The following QSER1 variants were observed in gnomAD, a reference collection of about 807,000 sequenced individuals.
QSER1 encodes the protein glutamine and serine rich 1, also known as glutamine and serine-rich protein 1.
In QSER1, 49 loss-of-function variants were observed where a neutral mutation model predicts 158.5. The observed-to-expected ratio is 0.31, with a 90% CI of 0.25 to 0.39. The LOEUF (loss-of-function observed/expected upper bound fraction) is 0.39, where lower values mean the gene tolerates loss of function less well. Ranked by LOEUF, QSER1 falls within the 10% of genes least tolerant of loss-of-function variation. QSER1 has a pLI of 1.00. For synonymous variants in QSER1, 650 were observed against 715.5 expected, an observed-to-expected ratio of 0.91 and a Z score of 1.46; for missense variants, 1,754 against 2,010.3, an observed-to-expected ratio of 0.87 and a Z score of 2.44.
chr11:32,904,420 G>C lies in QSER1; in HGVS notation c.209+11086G>C, dbSNP rs139553979. Among the ~76,000 whole-genome samples the C allele has an allele frequency of 5.0e-3, 760 of 151,902 alleles. 5 individuals are homozygous for C. The highest frequency in any genetic ancestry group is 0.018 in the African/African-American group (725 of 41,418). On this transcript the variant is annotated intron_variant, in intron 1 of 12. Coordinates refer to ENST00000650167, the MANE Select transcript of QSER1 (RefSeq NM_001076786.3). ...CTGGCCAGGCTGGCCTCTAACTCCT[G>C]ACCTTGTGATCCACCCACCTTGGCC...
At chr11:32,894,719 A>G (rs868292282) in intron 1 of QSER1, among the ~76,000 whole-genome samples, 1 of 152,246 alleles carries the variant, frequency 6.6e-6, no homozygotes, top group Non-Finnish European at 1.5e-5. Flanking sequence ...TTTGTTTTCA[A>G]GACTTGGGAG....
rs1852059351 is a variant in QSER1, at chr11:32,932,238, C to G, written c.980C>G (p.Thr327Ser). ...VIKHHQRPSG[T>S]QSIQAQLTGS... ...AAACACCATCAGCGGCCTTCAGGTACCCAGTCAATTCAGGCACAACTGACT... is the reference window on the plus strand; with the variant it reads ...AAACACCATCAGCGGCCTTCAGGTAGCCAGTCAATTCAGGCACAACTGACT... The change falls in exon 4 of 13, where the codon ACC becomes AGC. Residue 327 changes from threonine to serine, a missense_variant. Thr to Ser is a moderately conservative substitution (Grantham distance 58). Transcript: ENST00000650167. 1 of 1,614,096 alleles carries G rather than the reference C, an allele frequency of 6.2e-7. No homozygotes were observed. The highest frequency in any genetic ancestry group is 1.1e-5 in the South Asian group (1 of 91,080).
chr11:32,976,658 A>T lies in QSER1; in HGVS notation c.*184A>T. 1 of 578,208 alleles carries T rather than the reference A, an allele frequency of 1.7e-6. No homozygotes were observed. The highest frequency in any genetic ancestry group is 2.3e-5 in the South Asian group (1 of 43,686). The allele number at this position is 578,208 out of a possible 1,614,324, so 35.8% of individuals were successfully genotyped here. A position where few individuals can be genotyped will look rare whatever the true frequency, so the allele number is the denominator to read the frequency against. On this transcript the variant is annotated 3_prime_UTR_variant, in exon 13 of 13. Transcript: ENST00000650167. ...TTAGGAACGAAGTTAGTCCTCTGGA[A>T]ATGGACCTAAATCCCACCACATTTT...
At chr11:32,896,566 T>C (rs1202324263) in intron 1 of QSER1, among the ~76,000 whole-genome samples, 1 of 152,062 alleles carries the variant, frequency 6.6e-6, no homozygotes, top group Non-Finnish European at 1.5e-5. Flanking sequence ...TTTTTGTATT[T>C]TTAGTAGAGA....
At chr11:32,896,090 G>A (rs1239058200) in intron 1 of QSER1, among the ~76,000 whole-genome samples, 1 of 152,184 alleles carries the variant, frequency 6.6e-6, no homozygotes, top group East Asian at 1.9e-4. Flanking sequence ...GAATGAACAT[G>A]TCCTTTGCTG....
chr11:32,933,216 T>C lies in QSER1; in HGVS notation c.1958T>C (p.Phe653Ser), dbSNP rs778362230. 1.9e-6 allele frequency: 3 copies of C among 1,614,034 alleles called. No homozygotes were observed. Among genetic ancestry groups the C allele is most frequent in the South Asian group, 2.2e-5 (2 of 91,050 alleles). The change falls in exon 4 of 13, where the codon TTT becomes TCT. Residue 653 changes from phenylalanine (F) to serine (S), a missense_variant. Phe to Ser is a radical substitution (Grantham distance 155). Transcript: ENST00000650167. ...KFLPAVQSSS[F>S]ASSTHCQTLQ... ...TTGCCTGCTGTCCAGTCATCATCTTTTGCATCCTCTACTCATTGTCAGACA... is the reference window on the plus strand; with the variant it reads ...TTGCCTGCTGTCCAGTCATCATCTTCTGCATCCTCTACTCATTGTCAGACA...
At chr11:32,923,052 G>A (rs1261702519) in intron 1 of QSER1, among the ~76,000 whole-genome samples, 1 of 152,170 alleles carries the variant, frequency 6.6e-6, no homozygotes, top group African/African-American at 2.4e-5. Context: ...CTCAACTGGT[G>A]AGAAGGTTTT....
chr11:32,899,104 A>G (rs1851593466), intron 1 of QSER1, among the ~76,000 whole-genome samples: 1 of 152,182 alleles, frequency 6.6e-6, no homozygotes. Flanking sequence ...ATACCTATGT[A>G]TTGTTTATGT....
At chr11:32,954,369 A>T (rs1424007774) in intron 5 of QSER1, among the ~76,000 whole-genome samples, 190 bp downstream of exon 5, 1 of 152,252 alleles carries the variant, frequency 6.6e-6, no homozygotes, top group African/African-American at 2.4e-5. Context: ...ACCTTAACTT[A>T]GTTGTACGTA....
chr11:32,956,253 A>G, intron 7 of QSER1, 132 bp downstream of exon 7: 2 of 726,888 alleles, frequency 2.8e-6, no homozygotes, highest in Non-Finnish European at 4.5e-6. Flanking sequence ...TCAGTGCCTG[A>G]TGAAATAAGT....
intron 1 of QSER1, among the ~76,000 whole-genome samples, chr11:32,907,654 T>C (rs917345057): frequency 2.6e-5 from 4 of 152,256 alleles, no homozygotes; most frequent in African/African-American, 9.6e-5. Context: ...TTCATTTTTA[T>C]TCATTCCTTT....
intron 1 of QSER1, among the ~76,000 whole-genome samples, chr11:32,914,739 A>G (rs150508785): frequency 9.2e-5 from 14 of 152,328 alleles, no homozygotes; most frequent in East Asian, 7.7e-4. Flanking sequence ...TTTATCTTAC[A>G]GTCATATACC....
chr11:32,963,455 G>A lies in QSER1; in HGVS notation c.4970-2845G>A, dbSNP rs370899848. On this transcript the variant is annotated intron_variant, in intron 8 of 12. Transcript: ENST00000650167. The stretch of plus-strand genomic sequence containing the variant: ...ACTGCACCGCCTCCCAGGTTCAAGC[G>A]ATTCTCCTGCCTCAGCCTCCCGAGT... Among the ~76,000 whole-genome samples, 12 of 152,228 alleles carry A rather than the reference G, an allele frequency of 7.9e-5. No individual in the cohort carries two copies. In the South Asian group the frequency reaches 1.7e-3, roughly 21 times the overall value.
intron 8 of QSER1, among the ~76,000 whole-genome samples, chr11:32,962,694 C>A (rs928989284): frequency 8.5e-5 from 13 of 152,148 alleles, no homozygotes; most frequent in African/African-American, 3.1e-4. Flanking sequence ...CTCATCAATT[C>A]TATGAATGAT....
intron 9 of QSER1, among the ~76,000 whole-genome samples, chr11:32,968,524 G>A (rs1202142475): frequency 6.6e-6 from 1 of 152,004 alleles, no homozygotes; most frequent in African/African-American, 2.4e-5. Flanking sequence ...TAACTATTTT[G>A]ATTCATATTT....
chr11:32,946,257 C>G (rs1852330201), intron 4 of QSER1, among the ~76,000 whole-genome samples: 1 of 152,210 alleles, frequency 6.6e-6, no homozygotes. Context: ...ATTCTCTGTC[C>G]AGCTTTGTTC....
Position 32,972,182 on chromosome 11 carries a change from C to T in QSER1, c.5206-1215C>T, listed in dbSNP as rs116461950. 2.9e-3 allele frequency among the ~76,000 whole-genome samples: 437 copies of T among 151,880 alleles called. 3 individuals carry two copies. The highest frequency in any genetic ancestry group is 1.0e-2 in the African/African-American group (414 of 41,412). ...GTTGTAACTGTTTATAAAACACTTG[C>T]GCTTATCGAATTTGGACTGCATTCT... On this transcript the variant is annotated intron_variant, in intron 10 of 12. Transcript: ENST00000650167.
rs1454731620 is a variant in QSER1, at chr11:32,892,928, C to A, written c.-198C>A. 6.8e-6 allele frequency among the ~76,000 whole-genome samples: 1 copy of A among 147,710 alleles called. No individual in the cohort carries two copies. Among genetic ancestry groups the A allele is most frequent in the African/African-American group, 2.5e-5 (1 of 40,630 alleles). On this transcript the variant is annotated 5_prime_UTR_variant, in exon 1 of 13. Transcript: ENST00000650167. ...CGCCCAGCTGGGGCCTCGCCGCCCG[C>A]CGCGGCCCGGGTCTTTGCGGCCCAG... is the stretch of plus-strand genomic sequence containing the variant.
At position 32,893,790 on chromosome 11, in the gene QSER1, G is replaced by C. The variant is rs1044723661; in HGVS notation, c.209+456G>C. On this transcript the variant is annotated intron_variant, in intron 1 of 12. Transcript: ENST00000650167. This position sits in a 1 kb window ranked among gnomAD's most constrained non-coding sequence, Gnocchi z 4.7. ...GTGTGAGGGTTGCGGAGGCGGGAGA[G>C]GAAGAGTCGCGGAACCGCGTCCCGG... is the stretch of plus-strand genomic sequence containing the variant. Among the ~76,000 whole-genome samples the C allele has an allele frequency of 6.6e-6, 1 of 152,186 alleles. No homozygotes were observed. Among genetic ancestry groups the C allele is most frequent in the African/African-American group, 2.4e-5 (1 of 41,444 alleles).
Sources: gnomAD v4.1 joint callset for allele counts (sites outside exome capture counted in the v4.1 genomes callset) on GRCh38, gnomAD v4.1.1 for gene constraint, Gnocchi (gnomAD v3.1) non-coding constraint, MANE v1.5 for transcripts, NCBI Gene and HGNC (gene_info 2026-07-23, HGNC 2026-07-21) for gene names.